The following IGF2R variants were observed in gnomAD, a reference collection of about 807,000 sequenced individuals.
IGF2R encodes the protein insulin like growth factor 2 receptor.
Under a neutral mutation model 270.6 loss-of-function variants are expected in IGF2R, and 91 were observed. The ratio of observed to expected loss-of-function variants is 0.34; its 90% CI spans 0.28 to 0.40. The LOEUF (loss-of-function observed/expected upper bound fraction) is 0.40, where lower values mean the gene tolerates loss of function less well. IGF2R is among the 10% of genes least tolerant of loss of function. The probability of loss-of-function intolerance (pLI) is 1.00; values close to 1 mark genes in which losing one functional copy is unlikely to be tolerated. For synonymous variants in IGF2R, 1,316 were observed against 1,258.9 expected (o/e 1.05, Z -0.96); for missense variants, 2,805 against 3,188.3 (o/e 0.88, Z 2.90).
At chr6:160,072,651 GAGA>G (rs1778767894) in intron 32 of IGF2R, 111 bp from the exon 33 acceptor site, 2 of 1,131,886 alleles carry the variant, frequency 1.8e-6, no homozygotes, top group Non-Finnish European at 2.6e-6. Context: ...GGGTCGTGGT[GAGA>G]AGTCAGAAGT....
chr6:159,989,489 G>C (rs1044205347), intron 1 of IGF2R, among the ~76,000 whole-genome samples: 1 of 152,186 alleles, frequency 6.6e-6, no homozygotes, highest in Non-Finnish European at 1.5e-5. Flanking sequence ...TACCCCCAGG[G>C]CCTCCACAAC....
chr6:160,070,080 T>G (rs377197499), intron 31 of IGF2R, 22 bp downstream of exon 31: 42 of 1,610,328 alleles, frequency 2.6e-5, no homozygotes, highest in Non-Finnish European at 3.5e-5. Flanking sequence ...TTCCTGCACC[T>G]TCTGCTGTTG....
intron 44 of IGF2R, chr6:160,095,609 A>T (rs1779338900): frequency 6.6e-6 from 1 of 152,228 alleles, no homozygotes; most frequent in Non-Finnish European, 1.5e-5. Flanking sequence ...GACCACTGCT[A>T]ATCCCTTAGA....
chr6:160,054,307 C>G (rs1249927526), intron 19 of IGF2R, among the ~76,000 whole-genome samples: 1 of 152,190 alleles, frequency 6.6e-6, no homozygotes, highest in African/African-American at 2.4e-5. Flanking sequence ...TCCCCATGTT[C>G]ATTTTGGGTT....
intron 45 of IGF2R, among the ~76,000 whole-genome samples, chr6:160,099,375 TGTTA>T (rs1779432627): frequency 6.6e-6 from 1 of 151,600 alleles, no homozygotes; most frequent in South Asian, 2.1e-4. Flanking sequence ...TGTTATGTTA[TGTTA>T]TTTTTTTGAG....
In IGF2R at chr6:160,078,514, C is replaced by T. The variant is rs973883477; in HGVS notation, c.5478+152C>T. On this transcript the variant is annotated intron_variant, in intron 37 of 47. Transcript: ENST00000356956. ...CATCTTGGTGCTCTCGTAGGGCATGCCAGGTCTCAGGAAGGTTCTTGGATT... is the reference window on the plus strand; with the variant it reads ...CATCTTGGTGCTCTCGTAGGGCATGTCAGGTCTCAGGAAGGTTCTTGGATT... The T allele has an allele frequency of 9.8e-6, 7 of 717,598 alleles. No homozygotes were observed. The African/African-American group carries it at 1.1e-4, about 11-fold the overall frequency. The allele number at this position is 717,598 out of a possible 1,614,324, so 44.5% of individuals were successfully genotyped here. A position where few individuals can be genotyped will look rare whatever the true frequency, so the allele number is the denominator to read the frequency against.
chr6:159,981,830 AG>A lies in IGF2R; in HGVS notation c.150-9353del, dbSNP rs1357406102. On this transcript the variant is annotated intron_variant, in intron 1 of 47. Transcript: ENST00000356956. The stretch of plus-strand genomic sequence containing the variant: ...GTTCCCTGGGCTCTGACATCAACTT[AG>A]ATGTCGTGTTTGACTTAGGGCTTCC... Among the ~76,000 whole-genome samples, 3 of 152,150 alleles carry A rather than the reference AG, an allele frequency of 2.0e-5. No homozygotes were observed. In the East Asian group the frequency reaches 5.8e-4, roughly 29 times the overall value.
In IGF2R at chr6:160,072,409, A is replaced by G. The variant is rs8191884; in HGVS notation, c.4571-356A>G. 3.8e-4 allele frequency among the ~76,000 whole-genome samples: 58 copies of G among 152,140 alleles called. No homozygotes were observed. In the South Asian group the frequency reaches 0.012, roughly 32 times the overall value. On this transcript the variant is annotated intron_variant, in intron 32 of 47. Coordinates refer to ENST00000356956, the MANE Select transcript of IGF2R (RefSeq NM_000876.4). ...TGTAGTGGATTGCCAGGAGTCTCTC[A>G]CCTGCCCTTGTGCTGGGCACCCAGA...
rs771967379 is a variant in IGF2R, at chr6:160,024,677, C to T, written c.619C>T (p.Leu207=). ...GGATGACTCCGATCCGGACACTTCTCTATTCATCAATGTTTGTAGAGACAT... is the reference window on the plus strand; with the variant it reads ...GGATGACTCCGATCCGGACACTTCTTTATTCATCAATGTTTGTAGAGACAT... ...LVDDSDPDTS[L]FINVCRDIDT... Residue 207 remains leucine, a synonymous_variant, in exon 5 of 48, where the codon CTA becomes TTA. Coordinates refer to ENST00000356956, the MANE Select transcript of IGF2R (RefSeq NM_000876.4). 8.7e-6 allele frequency: 14 copies of T among 1,614,152 alleles called. No homozygotes were observed. In the South Asian group the frequency reaches 1.1e-4, roughly 13 times the overall value.
At chr6:159,991,900 T>A in intron 2 of IGF2R, among the ~76,000 whole-genome samples, 1 of 152,228 alleles carries the variant, frequency 6.6e-6, no homozygotes, top group Non-Finnish European at 1.5e-5. Context: ...AGGATCGCTA[T>A]CCTTCTGTGA....
At chr6:160,092,249 G>A (rs1779243176) in intron 44 of IGF2R, among the ~76,000 whole-genome samples, 1 of 133,338 alleles carries the variant, frequency 7.5e-6, no homozygotes, top group African/African-American at 2.9e-5. Flanking sequence ...GACACCGCTG[G>A]TGTGTCTGCA....
At chr6:160,078,850 A>T (rs1778911889) in intron 37 of IGF2R, among the ~76,000 whole-genome samples, 1 of 152,164 alleles carries the variant, frequency 6.6e-6, no homozygotes, top group African/African-American at 2.4e-5. Flanking sequence ...GCACTTGGGC[A>T]TGTGCCTCCA....
At chr6:160,039,842 T>C (rs1276077127) in intron 10 of IGF2R, among the ~76,000 whole-genome samples, 1 of 152,062 alleles carries the variant, frequency 6.6e-6, no homozygotes, top group Non-Finnish European at 1.5e-5. Flanking sequence ...TGTGAAGAGC[T>C]GGTTTTCAGA....
intron 1 of IGF2R, among the ~76,000 whole-genome samples, chr6:159,977,219 G>A (rs1012386361): frequency 2.0e-5 from 3 of 152,040 alleles, no homozygotes; most frequent in African/African-American, 7.2e-5. Flanking sequence ...ATTTTTCCTT[G>A]GGCCCAGTTT....
At chr6:160,059,183 G>C in intron 22 of IGF2R, 85 bp downstream of exon 22, 1 of 1,128,272 alleles carries the variant, frequency 8.9e-7, no homozygotes, top group Admixed American at 2.0e-5. Context: ...AGTGTAGGAT[G>C]TGCACATCCC....
At chr6:159,993,564 G>C (rs142149265) in intron 2 of IGF2R, among the ~76,000 whole-genome samples, 180 of 152,214 alleles carry the variant, frequency 1.2e-3, no homozygotes, top group African/African-American at 4.3e-3. Flanking sequence ...TCTCTATTCT[G>C]TTCCATTGAT....
At chr6:160,064,951 T>G in intron 29 of IGF2R, 50 bp downstream of exon 29, 5 of 1,291,756 alleles carry the variant, frequency 3.9e-6, no homozygotes, top group Non-Finnish European at 5.6e-6. Flanking sequence ...CTTGGTATGA[T>G]TTTGCTTTAA....
chr6:160,080,995 G>A (rs1178559030), intron 39 of IGF2R, among the ~76,000 whole-genome samples: 18 of 151,320 alleles, frequency 1.2e-4, no homozygotes, highest in East Asian at 3.9e-4. Context: ...GCGTGGTGGC[G>A]GGCGCCTGTA....
chr6:160,015,719 A>G (rs914437358), intron 4 of IGF2R, among the ~76,000 whole-genome samples: 5 of 152,136 alleles, frequency 3.3e-5, no homozygotes, highest in Non-Finnish European at 7.4e-5. Flanking sequence ...TCCCTCCCCA[A>G]ATCTCACATT....
Sources: allele counts gnomAD v4.1 joint callset (sites outside exome capture counted in the v4.1 genomes callset), GRCh38; gene constraint gnomAD v4.1.1; transcripts MANE v1.5; gene names NCBI Gene and HGNC (gene_info 2026-07-23, HGNC 2026-07-21).